Variants in ASPRV1 observed in about 807,000 individuals in gnomAD.
ASPRV1 encodes the protein retroviral-like aspartic protease 1.
Under a neutral mutation model 11.0 loss-of-function variants are expected in ASPRV1, and 7 were observed. The ratio of observed to expected loss-of-function variants is 0.64; its 90% confidence interval spans 0.36 to 1.20. The LOEUF is 1.20. ASPRV1 is among the 50% of genes most tolerant of loss of function. The pLI is 0.02. For missense variants in ASPRV1, 299 were observed against 320.0 expected, an observed-to-expected ratio of 0.93 and a Z score of 0.50; for synonymous variants, 136 against 138.4, an observed-to-expected ratio of 0.98 and a Z score of 0.12.
chr2:70,062,388 T>C, the ASPRV1 span, among the ~76,000 whole-genome samples: 1 of 152,198 alleles, frequency 6.6e-6, no homozygotes, highest in African/African-American at 2.4e-5. Context: ...TGCAGATTCC[T>C]GGTCACCACC....
the ASPRV1 span, chr2:69,941,252 T>C: frequency 6.6e-6 from 1 of 152,226 alleles, no homozygotes; most frequent in Non-Finnish European, 1.5e-5. Context: ...GGAAAATATA[T>C]ATGTGTGCTT....
At chr2:69,943,931 A>G in the ASPRV1 span, among the ~76,000 whole-genome samples, 1 of 152,228 alleles carries the variant, frequency 6.6e-6, no homozygotes, top group Non-Finnish European at 1.5e-5. Flanking sequence ...AAAATTTTTG[A>G]AAGGTTTTTA....
At chr2:70,020,089 T>C in the ASPRV1 span, among the ~76,000 whole-genome samples, 429 of 152,046 alleles carry the variant, frequency 2.8e-3, 3 homozygotes, top group Non-Finnish European at 3.6e-3. Context: ...AAATCAAAAA[T>C]AACAAGTGTC....
chr2:69,987,836 G>A, the ASPRV1 span, among the ~76,000 whole-genome samples: 1 of 152,182 alleles, frequency 6.6e-6, no homozygotes, highest in African/African-American at 2.4e-5. Flanking sequence ...TGTGTGGGTA[G>A]GACACTTACT....
chr2:70,072,896 T>TAA, the ASPRV1 span, among the ~76,000 whole-genome samples: 1,351 of 70,310 alleles, frequency 0.019, 29 homozygotes, highest in African/African-American at 0.049. Flanking sequence ...TATAAAAAAC[T>TAA]AAAAAAAAAA....
chr2:70,060,340 CAA>C, the ASPRV1 span, among the ~76,000 whole-genome samples: 10 of 52,714 alleles, frequency 1.9e-4, no homozygotes, highest in African/African-American at 2.3e-4. Flanking sequence ...GACTCCATCT[CAA>C]AAAAAAAAAA....
At chr2:70,005,451 T>C in the ASPRV1 span, among the ~76,000 whole-genome samples, 1 of 152,328 alleles carries the variant, frequency 6.6e-6, no homozygotes, top group South Asian at 2.1e-4. Context: ...TGCCAAATTG[T>C]CAATTTTATT....
chr2:70,008,118 G>A, the ASPRV1 span, among the ~76,000 whole-genome samples: 1 of 151,960 alleles, frequency 6.6e-6, no homozygotes, highest in Non-Finnish European at 1.5e-5. Context: ...TTATAGGCAT[G>A]AGCCACCGTG....
chr2:70,019,016 G>A, the ASPRV1 span: 1 of 152,168 alleles, frequency 6.6e-6, no homozygotes, highest in Non-Finnish European at 1.5e-5. Context: ...TATCTGAGAA[G>A]GGGTTGTTAT....
the ASPRV1 span, among the ~76,000 whole-genome samples, chr2:69,984,207 T>C: frequency 6.6e-6 from 1 of 151,962 alleles, no homozygotes; most frequent in Non-Finnish European, 1.5e-5. Flanking sequence ...CCCAGCTAAT[T>C]TTTGTATTTT....
the ASPRV1 span, chr2:69,937,289 G>C: frequency 6.2e-7 from 1 of 1,614,214 alleles, no homozygotes; most frequent in Non-Finnish European, 8.5e-7. Context: ...GCTTCAGCGA[G>C]AGCAGCGACA....
At chr2:70,039,162 T>C in the ASPRV1 span, among the ~76,000 whole-genome samples, 1 of 151,994 alleles carries the variant, frequency 6.6e-6, no homozygotes, top group African/African-American at 2.4e-5. Flanking sequence ...GCAAAAGTAC[T>C]CTGAGGAACA....
the ASPRV1 span, among the ~76,000 whole-genome samples, chr2:70,066,191 G>C: frequency 6.6e-6 from 1 of 152,072 alleles, no homozygotes; most frequent in African/African-American, 2.4e-5. Context: ...CCAGGAGACA[G>C]AGACTCTGTC....
chr2:69,938,977 A>G, the ASPRV1 span: 2 of 152,592 alleles, frequency 1.3e-5, no homozygotes, highest in African/African-American at 2.4e-5. Context: ...AAACGGTACA[A>G]TCTATTTTTG....
chr2:69,984,171 T>C, the ASPRV1 span, among the ~76,000 whole-genome samples: 2 of 152,158 alleles, frequency 1.3e-5, no homozygotes, highest in Non-Finnish European at 2.9e-5. Context: ...CCCAAGTAGC[T>C]GGGATTACAG....
chr2:70,001,462 CA>C, the ASPRV1 span, among the ~76,000 whole-genome samples: 9 of 151,728 alleles, frequency 5.9e-5, no homozygotes, highest in Admixed American at 2.0e-4. Flanking sequence ...TTAAGGGGAT[CA>C]AAATAAGGAT....
At chr2:70,066,494 CT>C in the ASPRV1 span, among the ~76,000 whole-genome samples, 7 of 152,228 alleles carry the variant, frequency 4.6e-5, no homozygotes, top group Admixed American at 3.9e-4. Context: ...CTGCCTTGGC[CT>C]CCCTCCTAAA....
Position 69,960,542 on chromosome 2 carries a change from C to G in ASPRV1, c.*115G>C, listed in dbSNP as rs1678048169. The G allele has an allele frequency of 8.8e-7, 1 of 1,140,284 alleles. No individual in the cohort carries two copies. Among genetic ancestry groups the G allele is most frequent in the African/African-American group, 1.6e-5 (1 of 64,440 alleles). The allele number at this position is 1,140,284 out of a possible 1,614,324, so 70.6% of individuals were successfully genotyped here. ...GAGGGAGGCAAAGGGGAGAGAAGAG[C>G]AAGAGTTGATAAGCAGACTGGCCAA... On this transcript the variant is annotated 3_prime_UTR_variant, in exon 1 of 1. Coordinates refer to ENST00000320256, the MANE Select transcript of ASPRV1 (RefSeq NM_152792.4).
the ASPRV1 span, among the ~76,000 whole-genome samples, chr2:70,019,925 TG>T: frequency 1.3e-5 from 2 of 152,038 alleles, no homozygotes; most frequent in African/African-American, 2.4e-5. Flanking sequence ...CACAAAAAAA[TG>T]GGAAGTATAT....
Sources: allele counts gnomAD v4.1 joint callset (sites outside exome capture counted in the v4.1 genomes callset), GRCh38; gene constraint gnomAD v4.1.1; transcripts MANE v1.5; gene names NCBI Gene and HGNC (gene_info 2026-07-23, HGNC 2026-07-21).